GLG1: variants seen among roughly 807,000 people sequenced by gnomAD.
GLG1 encodes the protein golgi glycoprotein 1.
A neutral mutation model predicts 160.5 loss-of-function variants in GLG1; 38 were observed. The ratio of observed to expected loss-of-function variants is 0.24; its 90% CI spans 0.18 to 0.31. The LOEUF (loss-of-function observed/expected upper bound fraction) is 0.31, where lower values mean the gene tolerates loss of function less well. Among genes scored for constraint, GLG1 ranks in the 10% least tolerant of loss-of-function variants. The probability of loss-of-function intolerance (pLI) is 1.00; values close to 1 mark genes in which losing one functional copy is unlikely to be tolerated. For synonymous variants in GLG1, 644 were observed against 543.4 expected (o/e 1.19, Z -2.57); for missense variants, 1,373 against 1,505.2 (o/e 0.91, Z 1.45).
At chr16:74,603,467 G>A (rs531113661) in intron 1 of GLG1, among the ~76,000 whole-genome samples, 10 of 151,530 alleles carry the variant, frequency 6.6e-5, no homozygotes, top group South Asian at 2.1e-4. Flanking sequence ...TATTAGAGAC[G>A]GTGTCTCACT....
intron 12 of GLG1, among the ~76,000 whole-genome samples, chr16:74,476,844 G>C (rs191377507): frequency 6.6e-6 from 1 of 152,158 alleles, no homozygotes; most frequent in African/African-American, 2.4e-5. Flanking sequence ...TGTCAACCAG[G>C]TGAGAAAAAA....
intron 19 of GLG1, among the ~76,000 whole-genome samples, chr16:74,465,386 A>G (rs929061502): frequency 7.2e-5 from 11 of 152,334 alleles, no homozygotes; most frequent in African/African-American, 2.6e-4. Flanking sequence ...CTTGTGCCTC[A>G]GGTCAAAGTG....
rs201829157 is a variant in GLG1 at position 74,468,226 on chromosome 16, C to CTTTTTTTTTTTTTT, written c.2437-392_2437-379dup. 20 of 83,318 alleles carry CTTTTTTTTTTTTTT rather than the reference C, an allele frequency of 2.4e-4. 1 individual carries two copies. Among genetic ancestry groups the CTTTTTTTTTTTTTT allele is most frequent in the African/African-American group, 1.0e-3 (20 of 19,202 alleles). 5.2% of individuals were successfully genotyped at this position (83,318 alleles called of 1,614,324 possible). A position where few individuals can be genotyped will look rare whatever the true frequency, so the allele number is the denominator to read the frequency against. ...AACCAAATCTTCCAGCTTGAAATGT[C>CTTTTTTTTTTTTTT]TTTTTTTTTTTTTTTTTTTTTTTTT... On this transcript the variant is annotated intron_variant, in intron 17 of 25. Coordinates refer to ENST00000422840, the MANE Select transcript of GLG1 (RefSeq NM_001145667.2).
chr16:74,542,744 A>AGGAAGGAAG (rs1567513952), intron 1 of GLG1, among the ~76,000 whole-genome samples: 8 of 12,876 alleles, frequency 6.2e-4, no homozygotes, highest in South Asian at 3.2e-3. Context: ...GGAGGAAGGA[A>AGGAAGGAAG]GGAAGGAAGG....
rs1475508133 is a variant in GLG1, at chr16:74,598,022, C to CA, written c.438+8634dup. 7.2e-5 allele frequency among the ~76,000 whole-genome samples: 11 copies of CA among 151,990 alleles called. No homozygotes were observed. The East Asian group carries it at 1.9e-3, about 27-fold the overall frequency. ...CAAGAGCAAGACTCTGTCTCGAAAA[C>CA]AAAATCAAACAAACAAAATCAATAA... On this transcript the variant is annotated intron_variant, in intron 1 of 25. Transcript: ENST00000422840.
intron 3 of GLG1, among the ~76,000 whole-genome samples, chr16:74,505,889 G>A (rs1233044920): frequency 1.3e-5 from 2 of 151,890 alleles, no homozygotes; most frequent in African/African-American, 2.4e-5. Flanking sequence ...AATTAGCTGA[G>A]TGTGGTGCCA....
At chr16:74,590,935 G>C (rs1452811609) in intron 1 of GLG1, among the ~76,000 whole-genome samples, 6 of 150,392 alleles carry the variant, frequency 4.0e-5, no homozygotes, top group African/African-American at 1.5e-4. Flanking sequence ...GTCAAAGGAG[G>C]GCCTTTCTTG....
At chr16:74,586,562 T>C (rs1958058596) in intron 1 of GLG1, among the ~76,000 whole-genome samples, 2 of 151,844 alleles carry the variant, frequency 1.3e-5, no homozygotes, top group Admixed American at 6.6e-5. Context: ...GCAGCCTCAA[T>C]CTCCTCAGCT....
At chr16:74,596,169 T>A (rs1192842417) in intron 1 of GLG1, among the ~76,000 whole-genome samples, 2 of 152,108 alleles carry the variant, frequency 1.3e-5, no homozygotes, top group African/African-American at 4.8e-5. Context: ...TGTACACATT[T>A]TGAGATCATG....
Position 74,451,707 on chromosome 16 carries a change from C to A in GLG1, c.*1460G>T, listed in dbSNP as rs963178465. 14 of 285,816 alleles carry A rather than the reference C, an allele frequency of 4.9e-5. No individual in the cohort carries two copies. The highest frequency in any genetic ancestry group is 2.4e-4 in the African/African-American group (11 of 46,632). The allele number at this position is 285,816 out of a possible 1,614,324, so 17.7% of individuals were successfully genotyped here. On this transcript the variant is annotated 3_prime_UTR_variant, in exon 26 of 26. Transcript: ENST00000422840. ...CTACTGTACACACTGCTCTCTTGTGCAGCCACTGTGATCTCATGCCCCAAA... is the reference window on the plus strand; with the variant it reads ...CTACTGTACACACTGCTCTCTTGTGAAGCCACTGTGATCTCATGCCCCAAA...
chr16:74,500,460 G>A (rs1597273693), intron 4 of GLG1, among the ~76,000 whole-genome samples: 1 of 144,430 alleles, frequency 6.9e-6, no homozygotes, highest in African/African-American at 2.6e-5. Context: ...AACAACAACG[G>A]CCCCCACAAA....
intron 1 of GLG1, among the ~76,000 whole-genome samples, chr16:74,599,545 C>T (rs1445035580): frequency 2.0e-5 from 3 of 152,046 alleles, no homozygotes; most frequent in Admixed American, 2.0e-4. Context: ...ATGGTGAAAA[C>T]CCGTCTCTAC....
At chr16:74,587,223 G>C (rs538464300) in intron 1 of GLG1, among the ~76,000 whole-genome samples, 1 of 152,126 alleles carries the variant, frequency 6.6e-6, no homozygotes, top group African/African-American at 2.4e-5. Flanking sequence ...CAACAAACCA[G>C]GTGAGCCGAT....
At chr16:74,568,852 A>T (rs1467394895) in intron 1 of GLG1, among the ~76,000 whole-genome samples, 1 of 152,272 alleles carries the variant, frequency 6.6e-6, no homozygotes, top group Non-Finnish European at 1.5e-5. Context: ...ACAACCCTTT[A>T]ACTATAAACA....
intron 1 of GLG1, among the ~76,000 whole-genome samples, chr16:74,572,552 C>T (rs1380506341): frequency 6.6e-6 from 1 of 151,890 alleles, no homozygotes; most frequent in Non-Finnish European, 1.5e-5. Flanking sequence ...ACAAAACACC[C>T]CAAAGGACTG....
At chr16:74,464,529 A>G (rs886958981) in intron 19 of GLG1, among the ~76,000 whole-genome samples, 3 of 152,230 alleles carry the variant, frequency 2.0e-5, no homozygotes, top group Admixed American at 2.0e-4. Context: ...TGGTTGAGAC[A>G]CTTGAGCACT....
chr16:74,543,617 T>A (rs1172279983), intron 1 of GLG1, among the ~76,000 whole-genome samples: 1 of 152,142 alleles, frequency 6.6e-6, no homozygotes. Context: ...AGAAAAAAGG[T>A]ATACATCAAT....
At chr16:74,504,730 G>A (rs1002666391) in intron 3 of GLG1, among the ~76,000 whole-genome samples, 2 of 152,164 alleles carry the variant, frequency 1.3e-5, no homozygotes, top group African/African-American at 4.8e-5. Context: ...GTTCAGTGCA[G>A]TTTAGCAAGA....
At position 74,469,889 on chromosome 16, in the gene GLG1, C is replaced by T. The variant is rs568037583; in HGVS notation, c.2318+96G>A. On this transcript the variant is annotated intron_variant, in intron 16 of 25. Coordinates refer to ENST00000422840, the MANE Select transcript of GLG1 (RefSeq NM_001145667.2). ...CGGGAGGCCTCCAGGGCTAACCCCA[C>T]GAGGCAGCAGGAGGGCTGCCTAACA... 3.5e-4 allele frequency: 283 copies of T among 813,878 alleles called. 6 individuals are homozygous for T. The South Asian group carries it at 3.7e-3, about 11-fold the overall frequency. The allele number at this position is 813,878 out of a possible 1,614,324, so 50.4% of individuals were successfully genotyped here. A position where few individuals can be genotyped will look rare whatever the true frequency, so the allele number is the denominator to read the frequency against.
Sources: gnomAD v4.1 joint callset for allele counts (sites outside exome capture counted in the v4.1 genomes callset) on GRCh38, gnomAD v4.1.1 for gene constraint, MANE v1.5 for transcripts, NCBI Gene and HGNC (gene_info 2026-07-23, HGNC 2026-07-21) for gene names.